FOXP1: variants seen among roughly 807,000 people sequenced by gnomAD.
FOXP1 encodes forkhead box protein P1.
FOXP1 carries 15 observed loss-of-function variants against 98.2 expected under a neutral mutation model. That is an observed-to-expected ratio of 0.15 (90% CI 0.10 to 0.24). FOXP1 has a LOEUF of 0.24. FOXP1 is among the 10% of genes least tolerant of loss of function. The pLI, the probability that FOXP1 is intolerant of heterozygous loss-of-function variation, is 1.00. For missense variants in FOXP1, 633 were observed against 848.5 expected (o/e 0.75, Z 3.15); for synonymous variants, 371 against 314.5 (o/e 1.18, Z -1.90).
At chr3:71,270,958 T>C (rs2070290312) in intron 5 of FOXP1, among the ~76,000 whole-genome samples, 1 of 152,228 alleles carries the variant, frequency 6.6e-6, no homozygotes, top group Non-Finnish European at 1.5e-5. Flanking sequence ...TAGCTGGGTG[T>C]GGTGGCTCAC....
intron 5 of FOXP1, among the ~76,000 whole-genome samples, chr3:71,297,224 A>C (rs2073390067): frequency 6.6e-6 from 1 of 152,234 alleles, no homozygotes; most frequent in South Asian, 2.1e-4. Context: ...AAATAATCCC[A>C]TAGATCATGC....
chr3:71,182,445 G>T lies in FOXP1; in HGVS notation c.180+15757C>A, dbSNP rs185313732. 3.7e-3 allele frequency among the ~76,000 whole-genome samples: 553 copies of T among 151,434 alleles called. 8 individuals carry two copies. The highest frequency in any genetic ancestry group is 0.013 in the African/African-American group (544 of 41,214). Reference sequence around the variant, plus strand: ...AATAACTGTTCATTTTTATTATAAAGGCAATACATGTTATTGTAGAAATTT... The same window carrying T: ...AATAACTGTTCATTTTTATTATAAATGCAATACATGTTATTGTAGAAATTT... On this transcript the variant is annotated intron_variant, in intron 6 of 20. Coordinates refer to ENST00000649528, the MANE Select transcript of FOXP1 (RefSeq NM_001349338.3).
At position 71,356,175 on chromosome 3, in the gene FOXP1, A is replaced by C. The variant is rs1281941374; in HGVS notation, c.-73+2975T>G. ...AATACCAACTTGAAAGCAGTTAGTG[A>C]ATTCTGCTTGCGAGGCAGGACCATT... On this transcript the variant is annotated intron_variant, in intron 4 of 20. Transcript: ENST00000649528. Among the ~76,000 whole-genome samples, 23 of 150,136 alleles carry C rather than the reference A, an allele frequency of 1.5e-4. No individual in the cohort carries two copies. In the Admixed American group the frequency reaches 1.5e-3, roughly 10 times the overall value.
chr3:71,456,471 A>C (rs536697351), intron 3 of FOXP1, among the ~76,000 whole-genome samples: 1 of 152,170 alleles, frequency 6.6e-6, no homozygotes, highest in Non-Finnish European at 1.5e-5. Context: ...TATTGTCAAC[A>C]TCAGAATAAG....
At chr3:71,435,030 G>A (rs1009667126) in intron 3 of FOXP1, among the ~76,000 whole-genome samples, 3 of 151,258 alleles carry the variant, frequency 2.0e-5, no homozygotes, top group Non-Finnish European at 2.9e-5. Context: ...ACGGCATGTC[G>A]TCAGTTCTTA....
chr3:71,103,271 T>C (rs1207181706), intron 7 of FOXP1, among the ~76,000 whole-genome samples: 1 of 152,182 alleles, frequency 6.6e-6, no homozygotes, highest in Non-Finnish European at 1.5e-5. Context: ...AAAAATACTA[T>C]ATTGTGGAAC....
Position 70,956,469 on chromosome 3 carries a change from T to TAA in FOXP1, c.*2776_*2777dup. On this transcript the variant is annotated 3_prime_UTR_variant, in exon 21 of 21. Coordinates refer to ENST00000649528, the MANE Select transcript of FOXP1 (RefSeq NM_001349338.3). ...AGACTAAGCATGCAAGACATACGAC[T>TAA]AAGTGCAACTGAGTGAAATGTTTTT... 1 of 224,300 alleles carries TAA rather than the reference T, an allele frequency of 4.5e-6. No individual in the cohort carries two copies. Among genetic ancestry groups the TAA allele is most frequent in the Non-Finnish European group, 8.9e-6 (1 of 112,618 alleles). The allele number at this position is 224,300 out of a possible 1,614,324, so 13.9% of individuals were successfully genotyped here.
intron 2 of FOXP1, among the ~76,000 whole-genome samples, chr3:71,499,433 C>A (rs1009712221): frequency 6.6e-6 from 1 of 152,218 alleles, no homozygotes. Context: ...TATACACACA[C>A]ATATAAACAC....
At chr3:71,395,100 CAAAA>C (rs10543398) in intron 3 of FOXP1, among the ~76,000 whole-genome samples, 4 of 63,794 alleles carry the variant, frequency 6.3e-5, no homozygotes, top group Admixed American at 2.2e-4. Context: ...AACCCCGTCA[CAAAA>C]AAAAAAAAAA....
At chr3:71,408,980 T>C (rs1369727190) in intron 3 of FOXP1, among the ~76,000 whole-genome samples, 2 of 152,196 alleles carry the variant, frequency 1.3e-5, no homozygotes, top group Non-Finnish European at 2.9e-5. Context: ...TTAATGCAGA[T>C]CAATGCTGAC....
rs528068540 is a variant in FOXP1 at position 71,293,402 on chromosome 3, G to A, written c.-12+6418C>T. 2.3e-3 allele frequency among the ~76,000 whole-genome samples: 348 copies of A among 152,038 alleles called. 1 individual carries two copies. The highest frequency in any genetic ancestry group is 6.8e-3 in the Middle Eastern group (2 of 292). On this transcript the variant is annotated intron_variant, in intron 5 of 20. Coordinates refer to ENST00000649528, the MANE Select transcript of FOXP1 (RefSeq NM_001349338.3). The stretch of plus-strand genomic sequence containing the variant: ...AGATCCCTCAAGCCCAGGAGTTCGG[G>A]GCTGCAGTAAGCTCTGATCACACCT...
intron 3 of FOXP1, among the ~76,000 whole-genome samples, chr3:71,446,491 G>A (rs1381727496): frequency 6.6e-6 from 1 of 152,058 alleles, no homozygotes; most frequent in African/African-American, 2.4e-5. Flanking sequence ...AGAGGCAGAG[G>A]AGGATGAAGC....
chr3:71,064,142 G>A (rs2051994761), intron 7 of FOXP1, among the ~76,000 whole-genome samples: 1 of 152,194 alleles, frequency 6.6e-6, no homozygotes, highest in South Asian at 2.1e-4. Flanking sequence ...CAACCTGCCA[G>A]AGTGTTCCAT....
intron 4 of FOXP1, among the ~76,000 whole-genome samples, chr3:71,344,171 T>C (rs1181403533): frequency 6.6e-6 from 1 of 152,198 alleles, no homozygotes; most frequent in Non-Finnish European, 1.5e-5. Context: ...TTCCAGGACC[T>C]TCCCTCCTTC....
intron 2 of FOXP1, among the ~76,000 whole-genome samples, chr3:71,528,017 A>T (rs2043532566): frequency 6.6e-6 from 1 of 152,236 alleles, no homozygotes; most frequent in African/African-American, 2.4e-5. Flanking sequence ...TGTCTACAGG[A>T]CATCAAGATG....
At chr3:71,204,160 G>A (rs1024217057) in intron 5 of FOXP1, among the ~76,000 whole-genome samples, 8 of 152,132 alleles carry the variant, frequency 5.3e-5, no homozygotes, top group Non-Finnish European at 7.3e-5. Flanking sequence ...TACTCATGTT[G>A]CATCATTAAG....
At chr3:71,306,883 A>C (rs1201289035) in intron 4 of FOXP1, among the ~76,000 whole-genome samples, 1 of 152,158 alleles carries the variant, frequency 6.6e-6, no homozygotes, top group Non-Finnish European at 1.5e-5. Flanking sequence ...CCATTTCGGC[A>C]GAAAATATGC....
At chr3:71,287,983 C>T (rs1170549194) in intron 5 of FOXP1, among the ~76,000 whole-genome samples, 2 of 151,746 alleles carry the variant, frequency 1.3e-5, no homozygotes, top group Admixed American at 6.6e-5. Flanking sequence ...CGGGTTCAAG[C>T]GATTCTCCTG....
chr3:71,188,345 C>T (rs1576290319), intron 6 of FOXP1, among the ~76,000 whole-genome samples: 1 of 151,876 alleles, frequency 6.6e-6, no homozygotes, highest in Non-Finnish European at 1.5e-5. Context: ...GAAGATGAGA[C>T]AAGGTAATGT....
Sources: allele counts gnomAD v4.1 joint callset (sites outside exome capture counted in the v4.1 genomes callset), GRCh38; gene constraint gnomAD v4.1.1; transcripts MANE v1.5; gene names NCBI Gene and HGNC (gene_info 2026-07-23, HGNC 2026-07-21).